The following AK3 variants were observed in gnomAD, a reference collection of about 807,000 sequenced individuals.
The protein encoded by AK3 is GTP:AMP phosphotransferase AK3, mitochondrial.
A neutral mutation model predicts 23.7 loss-of-function variants in AK3; 27 were observed. The observed-to-expected ratio is 1.14, with a 90% CI of 0.84 to 1.57. AK3 has a LOEUF of 1.57. AK3 is among the 40% of genes most tolerant of loss of function. AK3 has a pLI of 0.00. For missense variants in AK3, 406 were observed against 285.6 expected (o/e 1.42, Z -3.04); for synonymous variants, 159 against 116.0 (o/e 1.37, Z -2.38).
intron 2 of AK3, among the ~76,000 whole-genome samples, chr9:4,721,902 C>T (rs561188468): frequency 1.1e-4 from 16 of 152,310 alleles, no homozygotes; most frequent in African/African-American, 3.8e-4. Context: ...GCAAGCAAGT[C>T]AGGGCTGCAG....
Position 4,722,577 on chromosome 9 carries a change from G to C in AK3, c.200C>G (p.Pro67Arg), listed in dbSNP as rs146261577. Reference sequence around the variant, plus strand: ...GGCCAGCCGAGTCATGACATCATCTGGGATGAGTTTCCCTTGGTCAATGAA... The same window carrying C: ...GGCCAGCCGAGTCATGACATCATCTCGGATGAGTTTCCCTTGGTCAATGAA... ...KAFIDQGKLI[P>R]DDVMTRLALH... Residue 67 changes from proline (P) to arginine (R), a missense_variant, in exon 2 of 5, where the codon CCA becomes CGA. Coordinates refer to ENST00000381809, the MANE Select transcript of AK3 (RefSeq NM_016282.4). The C allele has an allele frequency of 4.3e-6, 7 of 1,614,174 alleles. No homozygotes were observed.
At chr9:4,713,248 G>A in intron 4 of AK3, 152 bp from the exon 5 acceptor site, 1 of 1,070,788 alleles carries the variant, frequency 9.3e-7, no homozygotes, top group South Asian at 2.3e-5. Flanking sequence ...CACTTGGCTG[G>A]GCATTGGAAA....
At chr9:4,734,574 AG>A (rs1472123278) in intron 1 of AK3, among the ~76,000 whole-genome samples, 8 of 152,248 alleles carry the variant, frequency 5.3e-5, no homozygotes, top group Admixed American at 1.3e-4. Flanking sequence ...ACTAGATTCT[AG>A]CCATGGAATT....
intron 1 of AK3, among the ~76,000 whole-genome samples, chr9:4,737,564 A>C (rs573828393): frequency 1.3e-4 from 20 of 152,284 alleles, no homozygotes; most frequent in Admixed American, 1.2e-3. Flanking sequence ...CTGAAAATAA[A>C]TTAGCCAGCC....
At chr9:4,741,203 G>T (rs1842426015), upstream of AK3, 1 of 1,186,686 alleles carries the variant, frequency 8.4e-7, no homozygotes. Flanking sequence ...GGCGGCTACT[G>T]CGGTTCCCCG....
rs1434196660 is a variant in AK3 at position 4,712,445 on chromosome 9, G to A, written c.*531C>T. ...ATATGGTTAACATATACATTTCTTA[G>A]TGTAAAGGCAGCAGTGAATTTGTGT... is the stretch of plus-strand genomic sequence containing the variant. On this transcript the variant is annotated 3_prime_UTR_variant, in exon 5 of 5. Transcript: ENST00000381809. 1 of 152,256 alleles carries A rather than the reference G, an allele frequency of 6.6e-6. No individual in the cohort carries two copies. Among genetic ancestry groups the A allele is most frequent in the Non-Finnish European group, 1.5e-5 (1 of 68,110 alleles). 9.4% of individuals were successfully genotyped at this position (152,256 alleles called of 1,614,324 possible).
In AK3 at chr9:4,712,826, C is replaced by A; in HGVS notation, c.*150G>T. The A allele has an allele frequency of 1.2e-6, 1 of 850,256 alleles. No individual in the cohort carries two copies. Among genetic ancestry groups the A allele is most frequent in the African/African-American group, 1.7e-5 (1 of 58,272 alleles). 52.7% of individuals were successfully genotyped at this position (850,256 alleles called of 1,614,324 possible). A position where few individuals can be genotyped will look rare whatever the true frequency, so the allele number is the denominator to read the frequency against. On this transcript the variant is annotated 3_prime_UTR_variant, in exon 5 of 5. Coordinates refer to ENST00000381809, the MANE Select transcript of AK3 (RefSeq NM_016282.4). ...TTAGTATCCGAATCATTTGGCACAT[C>A]CTTAGTATCCAAAATAAAATCAGTA...
intron 4 of AK3, 93 bp from the exon 5 acceptor site, chr9:4,713,189 G>C (rs999344155): frequency 2.7e-6 from 4 of 1,474,682 alleles, no homozygotes; most frequent in East Asian, 4.6e-5. Flanking sequence ...TGATATTGTA[G>C]ATATAGGAGT....
chr9:4,718,540 A>T lies in AK3; in HGVS notation c.445-3T>A. 6.3e-7 allele frequency: 1 copy of T among 1,593,438 alleles called. No individual in the cohort carries two copies. Among genetic ancestry groups the T allele is most frequent in the South Asian group, 1.1e-5 (1 of 90,612 alleles). ...TCCCCAGTCAGGTCATCAATGCCCT[A>T]AACAGGATTAGAAGAGACTAGTATC... On this transcript the variant is annotated splice_region_variant and splice_polypyrimidine_tract_variant and intron_variant, in intron 3 of 4. Transcript: ENST00000381809.
intron 4 of AK3, among the ~76,000 whole-genome samples, chr9:4,714,076 A>G (rs12686844): frequency 1.4e-5 from 2 of 142,742 alleles, no homozygotes; most frequent in African/African-American, 2.7e-5. Context: ...ACACCTACAC[A>G]TATACACACC....
intron 2 of AK3, among the ~76,000 whole-genome samples, chr9:4,720,460 G>T (rs191651623): frequency 1.3e-3 from 205 of 152,278 alleles, no homozygotes; most frequent in African/African-American, 4.7e-3. Flanking sequence ...GAGGCGGGAG[G>T]ACTGCTTGAG....
rs191152666 is a variant in AK3 at position 4,735,780 on chromosome 9, T to C, written c.151+5157A>G. 5.7e-3 allele frequency among the ~76,000 whole-genome samples: 244 copies of C among 42,622 alleles called. 1 individual carries two copies. Among genetic ancestry groups the C allele is most frequent in the African/African-American group, 0.021 (227 of 11,004 alleles). The allele number at this position is 42,622 out of a possible 152,430, so 28.0% of individuals were successfully genotyped here. ...CACCATGCCTGGCCAAAAAAATATTTTAAAAAGAAAAAAATTTTAAAAGAA... is the reference window on the plus strand; with the variant it reads ...CACCATGCCTGGCCAAAAAAATATTCTAAAAAGAAAAAAATTTTAAAAGAA... On this transcript the variant is annotated intron_variant, in intron 1 of 4. Transcript: ENST00000381809.
At position 4,710,704 on chromosome 9, in the gene AK3, G is replaced by A. The variant is rs1841538084; in HGVS notation, c.*2272C>T. ...AAGCTGAATCAGGAAGACTGTTTGA[G>A]GCCAGGAGACTAGCCTGGGCAACAT... On this transcript the variant is annotated 3_prime_UTR_variant, in exon 5 of 5. Transcript: ENST00000381809. 6.6e-6 allele frequency: 1 copy of A among 152,024 alleles called. No individual in the cohort carries two copies. The highest frequency in any genetic ancestry group is 1.5e-5 in the Non-Finnish European group (1 of 68,026). 9.4% of individuals were successfully genotyped at this position (152,024 alleles called of 1,614,324 possible).
chr9:4,719,081 G>C (rs1400478599), intron 3 of AK3, 54 bp downstream of exon 3: 16 of 1,593,322 alleles, frequency 1.0e-5, no homozygotes, highest in Non-Finnish European at 1.4e-5. Flanking sequence ...GTCTGTTAGG[G>C]CAAGAGGACT....
At chr9:4,719,683 A>T (rs553352767) in intron 2 of AK3, among the ~76,000 whole-genome samples, 1 of 152,192 alleles carries the variant, frequency 6.6e-6, no homozygotes, top group Non-Finnish European at 1.5e-5. Flanking sequence ...CACCCAAATA[A>T]CAAAGAATTC....
chr9:4,716,066 G>A (rs564535588), intron 4 of AK3, among the ~76,000 whole-genome samples: 2 of 152,278 alleles, frequency 1.3e-5, no homozygotes, highest in African/African-American at 4.8e-5. Context: ...AGCCAGCACA[G>A]GACAATGGAG....
At chr9:4,740,630 G>T (rs915086613) in intron 1 of AK3, among the ~76,000 whole-genome samples, 3 of 152,198 alleles carry the variant, frequency 2.0e-5, no homozygotes, top group Non-Finnish European at 4.4e-5. Context: ...CCCAAGAGTG[G>T]CTGCCACTGG....
rs1841804017 is a variant in AK3, at chr9:4,718,671, T to C, written c.445-134A>G. Reference sequence around the variant, plus strand: ...AAAAATGTGCTAACTTTTAAAAAAATGGAATCCAACCTCAAAAGAGATCAT... The same window carrying C: ...AAAAATGTGCTAACTTTTAAAAAAACGGAATCCAACCTCAAAAGAGATCAT... On this transcript the variant is annotated intron_variant, in intron 3 of 4. Transcript: ENST00000381809. The C allele has an allele frequency of 1.1e-5, 7 of 651,442 alleles. No homozygotes were observed. In the East Asian group the frequency reaches 1.9e-4, roughly 18 times the overall value. The allele number at this position is 651,442 out of a possible 1,614,324, so 40.4% of individuals were successfully genotyped here.
chr9:4,722,527 G>A lies in AK3; in HGVS notation c.250C>T (p.Gln84Ter), dbSNP rs747550190. 1.9e-6 allele frequency: 3 copies of A among 1,614,070 alleles called. No individual in the cohort carries two copies. The highest frequency in any genetic ancestry group is 1.7e-6 in the Non-Finnish European group (2 of 1,180,038). The change falls in exon 2 of 5, where the codon CAG becomes TAG. Residue 84 changes from glutamine (Q) to a stop codon, truncating the protein, a stop_gained. Transcript: ENST00000381809. LOFTEE classifies it high-confidence loss of function. Reference protein sequence around the residue: ...LALHELKNLTQYSWLLDGFPR... With the variant: ...LALHELKNLT ...TTACCATCCAACAGCCAGCTATACT[G>A]GGTGAGATTTTTCAGCTCATGAAGG...
Sources: allele counts gnomAD v4.1 joint callset (sites outside exome capture counted in the v4.1 genomes callset), GRCh38; gene constraint gnomAD v4.1.1; transcripts MANE v1.5; gene names NCBI Gene and HGNC (gene_info 2026-07-23, HGNC 2026-07-21).